USP39: variants seen among roughly 807,000 people sequenced by gnomAD.
USP39 encodes ubiquitin specific peptidase 39, also known as ubiquitin carboxyl-terminal hydrolase 39.
USP39 carries 38 observed loss-of-function variants against 66.4 expected under a neutral mutation model. That is an observed-to-expected ratio of 0.57 (90% CI 0.44 to 0.75). The LOEUF (loss-of-function observed/expected upper bound fraction) is 0.75, where lower values mean the gene tolerates loss of function less well. USP39 is among the 30% of genes least tolerant of loss of function. The pLI, the probability that USP39 is intolerant of heterozygous loss-of-function variation, is 0.00. For missense variants in USP39, 608 were observed against 714.4 expected (o/e 0.85, Z 1.70); for synonymous variants, 303 against 274.6 (o/e 1.10, Z -1.02).
At chr2:85,632,516 C>T (rs892295532) in intron 6 of USP39, among the ~76,000 whole-genome samples, 9 of 146,686 alleles carry the variant, frequency 6.1e-5, no homozygotes, top group Non-Finnish European at 8.9e-5. Context: ...GGTGTGATCT[C>T]GGCTCGCTGC....
At chr2:85,609,440 A>G (rs1371961911), upstream of USP39, 7 of 1,614,098 alleles carry the variant, frequency 4.3e-6, no homozygotes, top group Non-Finnish European at 5.9e-6. Context: ...CGTACCTGAT[A>G]GACGATAACT....
chr2:85,639,083 C>G, intron 8 of USP39, 120 bp from the exon 9 acceptor site: 2 of 1,015,442 alleles, frequency 2.0e-6, no homozygotes, highest in Non-Finnish European at 2.8e-6. Context: ...CCCAATCTCT[C>G]GGGCACTTCT....
At chr2:85,647,462 G>A (rs1676727671) in intron 11 of USP39, among the ~76,000 whole-genome samples, 1 of 151,834 alleles carries the variant, frequency 6.6e-6, no homozygotes, top group African/African-American at 2.4e-5. Flanking sequence ...TTTGAGACCA[G>A]GAGTTAGCCT....
intron 6 of USP39, among the ~76,000 whole-genome samples, chr2:85,632,218 C>T (rs2104302891): frequency 6.6e-6 from 1 of 152,212 alleles, no homozygotes; most frequent in East Asian, 1.9e-4. Context: ...GGATAAGAAA[C>T]ACGATTTTTC....
chr2:85,604,901 T>G (rs1297118886), intron 1 of USP39, among the ~76,000 whole-genome samples: 1 of 152,194 alleles, frequency 6.6e-6, no homozygotes, highest in African/African-American at 2.4e-5. Flanking sequence ...GTAGTCCAGA[T>G]CCGGGACATG....
At chr2:85,640,616 TA>T (rs1464726867) in intron 9 of USP39, among the ~76,000 whole-genome samples, 1,922 of 140,598 alleles carry the variant, frequency 0.014, 38 homozygotes, top group African/African-American at 0.05. Context: ...TATATATATA[TA>T]TATTTTTTTT....
chr2:85,633,580 C>T (rs762562723), intron 6 of USP39, among the ~76,000 whole-genome samples: 2 of 151,958 alleles, frequency 1.3e-5, no homozygotes, highest in Non-Finnish European at 2.9e-5. Flanking sequence ...GACCATCCTG[C>T]GTGACATAGA....
intron 11 of USP39, 66 bp downstream of exon 11, chr2:85,645,149 A>T (rs1174303042): frequency 1.9e-6 from 3 of 1,603,780 alleles, no homozygotes; most frequent in Non-Finnish European, 2.6e-6. Context: ...GGCATCTCAG[A>T]GGGCAGCTCC....
intron 2 of USP39, among the ~76,000 whole-genome samples, chr2:85,619,830 G>C (rs1213221877): frequency 2.0e-5 from 3 of 151,898 alleles, no homozygotes; most frequent in Admixed American, 6.6e-5. Context: ...AGAAATTTGA[G>C]ACCAGCCTGG....
At chr2:85,623,625 G>A in intron 3 of USP39, 21 bp from the exon 4 acceptor site, 1 of 1,608,578 alleles carries the variant, frequency 6.2e-7, no homozygotes, top group Non-Finnish European at 8.5e-7. Context: ...TTCTATTACA[G>A]CTTTTCACCC....
At chr2:85,627,846 T>TATTG (rs1380984397) in intron 5 of USP39, among the ~76,000 whole-genome samples, 1 of 152,140 alleles carries the variant, frequency 6.6e-6, no homozygotes, top group African/African-American at 2.4e-5. Flanking sequence ...TTTCTTGAGT[T>TATTG]ATTGGGCCTT....
chr2:85,648,617 A>G (rs1573458425), intron 12 of USP39, 144 bp from the exon 13 acceptor site: 1 of 913,328 alleles, frequency 1.1e-6, no homozygotes, highest in Admixed American at 2.1e-5. Flanking sequence ...GGCTGTAGCC[A>G]CTGTAGCAGA....
chr2:85,640,269 C>T (rs1345745725), intron 9 of USP39, among the ~76,000 whole-genome samples: 1 of 151,380 alleles, frequency 6.6e-6, no homozygotes, highest in Non-Finnish European at 1.5e-5. Context: ...AGAGGAGAAA[C>T]TCCAAAAAGT....
chr2:85,622,650 T>C (rs1674553084), intron 3 of USP39, among the ~76,000 whole-genome samples: 1 of 150,778 alleles, frequency 6.6e-6, no homozygotes, highest in South Asian at 2.1e-4. Flanking sequence ...ATTCTTTAGC[T>C]CAAAGGACTT....
chr2:85,624,736 G>C (rs1674716612), intron 4 of USP39, among the ~76,000 whole-genome samples: 1 of 152,172 alleles, frequency 6.6e-6, no homozygotes, highest in South Asian at 2.1e-4. Flanking sequence ...GGCCGAGGCA[G>C]GTGGGTCATT....
chr2:85,630,096 A>C (rs762492701), intron 5 of USP39, among the ~76,000 whole-genome samples: 3 of 152,068 alleles, frequency 2.0e-5, no homozygotes, highest in Non-Finnish European at 4.4e-5. Flanking sequence ...CCCAGTGTGT[A>C]GTCTTTTATC....
At chr2:85,616,501 T>G (rs1673966714) in intron 1 of USP39, 38 bp downstream of exon 1, 2 of 1,411,302 alleles carry the variant, frequency 1.4e-6, no homozygotes, top group Non-Finnish European at 1.9e-6. Context: ...CGAGAGCCTG[T>G]TTTTTTCGCG....
In USP39 at chr2:85,645,040, G is replaced by A. The variant is rs867164533; in HGVS notation, c.1520G>A (p.Gly507Asp). 2 of 1,613,990 alleles carry A rather than the reference G, an allele frequency of 1.2e-6. No homozygotes were observed. The highest frequency in any genetic ancestry group is 3.3e-5 in the Admixed American group (2 of 59,988). Residue 507 changes from glycine to aspartate, a missense_variant, in exon 11 of 13, where the codon GGC (glycine) becomes GAC (aspartate). Gly to Asp is a moderately conservative substitution (Grantham distance 94, BLOSUM62 -1). Coordinates refer to ENST00000323701, the MANE Select transcript of USP39 (RefSeq NM_006590.4). The stretch of plus-strand genomic sequence containing the variant: ...CTCATTGCCAACATCGTGCATGACG[G>A]CAAGCCCTCCGAGGGCTCCTACCGG... ...YDLIANIVHD[G>D]KPSEGSYRIH...
At chr2:85,609,685 A>G, upstream of USP39, 2 of 1,470,002 alleles carry the variant, frequency 1.4e-6, no homozygotes, top group Non-Finnish European at 1.8e-6. Flanking sequence ...GGAAAGCCCC[A>G]GTCTTCTTTT....
Sources: gnomAD v4.1 joint callset for allele counts (sites outside exome capture counted in the v4.1 genomes callset) on GRCh38, gnomAD v4.1.1 for gene constraint, MANE v1.5 for transcripts, NCBI Gene and HGNC (gene_info 2026-07-23, HGNC 2026-07-21) for gene names.